Variants in ITGA7 observed in about 807,000 individuals in gnomAD.
ITGA7 encodes integrin alpha-7.
In ITGA7, 84 loss-of-function variants were observed where a neutral mutation model predicts 131.6. That is an observed-to-expected ratio of 0.64 (90% confidence interval 0.54 to 0.77). ITGA7 has a LOEUF of 0.77. Among genes scored for constraint, ITGA7 ranks in the 30% least tolerant of loss-of-function variants. The pLI is 0.00. For missense variants in ITGA7, 1,399 were observed against 1,482.9 expected, an observed-to-expected ratio of 0.94 and a Z score of 0.93; for synonymous variants, 548 against 600.7, an observed-to-expected ratio of 0.91 and a Z score of 1.28.
intron 4 of ITGA7, chr12:55,700,343 G>T: frequency 6.2e-7 from 1 of 1,610,780 alleles, no homozygotes; most frequent in Non-Finnish European, 8.5e-7. Context: ...CCGTCGTCCA[G>T]GTGTGCCAGG....
intron 1 of ITGA7, among the ~76,000 whole-genome samples, chr12:55,704,994 GTGT>G (rs1592486509): frequency 6.6e-6 from 1 of 152,334 alleles, no homozygotes; most frequent in South Asian, 2.1e-4. Context: ...CCCATAGGGA[GTGT>G]CAGAATGTGT....
chr12:55,692,809 G>A, intron 21 of ITGA7, 35 bp downstream of exon 21: 2 of 1,581,060 alleles, frequency 1.3e-6, no homozygotes, highest in Non-Finnish European at 1.7e-6. Context: ...CAGCACCCCG[G>A]AGCTCTGGCT....
Position 55,697,738 on chromosome 12 carries a change from C to G in ITGA7, c.1366G>C (p.Asp456His). Residue 456 changes from aspartate to histidine, a missense_variant, in exon 9 of 25, where the codon GAC (aspartate) becomes CAC (histidine). Asp to His is a moderately conservative substitution (Grantham distance 81, BLOSUM62 -1). Transcript: ENST00000257879. ...TCAGCCAGGGAGCCCACCAGCAGGT[C>G]AGGGTATTGGTTCCCATCCATATCC... ...SLDMDGNQYP[D>H]LLVGSLADTA... is the part of the protein sequence containing the mutation. The G allele has an allele frequency of 6.2e-7, 1 of 1,614,136 alleles. No individual in the cohort carries two copies. The highest frequency in any genetic ancestry group is 8.5e-7 in the Non-Finnish European group (1 of 1,180,018).
chr12:55,716,030 C>G, upstream of ITGA7: 1 of 1,537,918 alleles, frequency 6.5e-7, no homozygotes, highest in East Asian at 2.5e-5. Flanking sequence ...CCCAACCTCA[C>G]GTGACACAGC....
chr12:55,692,384 T>C (rs1382694968), intron 21 of ITGA7, among the ~76,000 whole-genome samples: 2 of 152,220 alleles, frequency 1.3e-5, no homozygotes, highest in East Asian at 1.9e-4. Context: ...CACTGCACTC[T>C]AGCCTTGGTG....
intron 5 of ITGA7, 72 bp from the exon 6 acceptor site, chr12:55,698,989 C>T (rs1346204241): frequency 1.0e-5 from 14 of 1,376,588 alleles, no homozygotes; most frequent in Non-Finnish European, 1.2e-5. Flanking sequence ...ACAGCTCCCC[C>T]AGCCCCTGCC....
chr12:55,687,270 C>T (rs1449608995), intron 24 of ITGA7, among the ~76,000 whole-genome samples: 2 of 149,610 alleles, frequency 1.3e-5, no homozygotes, highest in African/African-American at 2.5e-5. Context: ...CTCCACCTCC[C>T]GGGTTCAAGC....
rs776208184 is a variant in ITGA7 at position 55,696,903 on chromosome 12, A to T, written c.1733T>A (p.Leu578His). The change falls in exon 12 of 25, where the codon CTC becomes CAC. Residue 578 changes from leucine to histidine, a missense_variant. Physicochemically the swap from Leu to His is moderately conservative, Grantham distance 99 (BLOSUM62 -3). Transcript: ENST00000257879. ...AGCCAAGGGGTCAGTGTCCACCTGG[A>T]GCTGGAACATGGCGTCTCCACAGAC... ...DRVCGDAMFQLQENVKDKLRA... is the reference protein window; with the variant it reads ...DRVCGDAMFQHQENVKDKLRA... The T allele has an allele frequency of 1.2e-6, 2 of 1,614,024 alleles. No homozygotes were observed. Among genetic ancestry groups the T allele is most frequent in the Non-Finnish European group, 1.7e-6 (2 of 1,180,026 alleles).
intron 21 of ITGA7, among the ~76,000 whole-genome samples, chr12:55,691,970 C>T (rs996885519): frequency 2.0e-5 from 3 of 152,172 alleles, no homozygotes; most frequent in Non-Finnish European, 4.4e-5. Context: ...GGGAGGGGCA[C>T]AGAGCATGTG....
chr12:55,696,809 G>T, intron 12 of ITGA7, 90 bp downstream of exon 12: 1 of 1,463,748 alleles, frequency 6.8e-7, no homozygotes. Context: ...GGAGGCACGA[G>T]TGTGCTCGGG....
Position 55,694,507 on chromosome 12 carries a change from T to A in ITGA7, c.2293A>T (p.Ile765Phe), listed in dbSNP as rs148641361. The A allele has an allele frequency of 1.2e-6, 2 of 1,614,016 alleles. No homozygotes were observed. The highest frequency in any genetic ancestry group is 1.7e-6 in the Non-Finnish European group (2 of 1,179,942). The change falls in exon 17 of 25, where the codon ATC becomes TTC. Residue 765 changes from isoleucine (I) to phenylalanine (F), a missense_variant. By Grantham distance (21) the Ile-to-Phe change is conservative. Transcript: ENST00000257879. This position sits in a 1 kb window ranked among gnomAD's most constrained non-coding sequence, Gnocchi z 5.3. ...ATGCTGATCCCGGAGGTGCTAAGGA[T>A]GAGGTAGAAGGTGACCTAGGCCAAG... ...KRGAQVTFYL[I>F]LSTSGISIET...
At chr12:55,702,343 G>A (rs758754273) in intron 3 of ITGA7, among the ~76,000 whole-genome samples, 8 of 152,198 alleles carry the variant, frequency 5.3e-5, no homozygotes, top group Non-Finnish European at 1.0e-4. Context: ...ACCACGCCCG[G>A]CTAATTTTTT....
rs116677242 is a variant in ITGA7, at chr12:55,695,022, T to A, written c.2004-52A>T. On this transcript the variant is annotated intron_variant, in intron 14 of 24. Transcript: ENST00000257879. ...AAGTTCTGAACACCTCCCCCTACCA[T>A]TCCCCCGCCCAGTCTGCTCCCCCAG... 17,713 of 1,526,738 alleles carry A rather than the reference T, an allele frequency of 0.012. 1,176 individuals carry two copies. The African/African-American group carries it at 0.17, about 15-fold the overall frequency. 94.6% of individuals were successfully genotyped at this position (1,526,738 alleles called of 1,614,324 possible).
At chr12:55,691,764 C>T (rs1441212504) in intron 21 of ITGA7, among the ~76,000 whole-genome samples, 3 of 152,154 alleles carry the variant, frequency 2.0e-5, no homozygotes, top group Admixed American at 1.3e-4. Flanking sequence ...CATCCCCTGA[C>T]GTTCTTCAGT....
chr12:55,703,037 A>G lies in ITGA7; in HGVS notation c.334+14T>C, dbSNP rs757174896. ...CTCACACGCTTCCCCCACTCTGTTCATGCAGGGCCACACCTCCCTGGTCGA... is the reference window on the plus strand; with the variant it reads ...CTCACACGCTTCCCCCACTCTGTTCGTGCAGGGCCACACCTCCCTGGTCGA... On this transcript the variant is annotated intron_variant, in intron 2 of 24. Transcript: ENST00000257879. The G allele has an allele frequency of 6.2e-7, 1 of 1,614,036 alleles. No individual in the cohort carries two copies. Among genetic ancestry groups the G allele is most frequent in the South Asian group, 1.1e-5 (1 of 91,084 alleles).
chr12:55,692,077 T>C (rs1180186145), intron 21 of ITGA7, among the ~76,000 whole-genome samples: 1 of 152,166 alleles, frequency 6.6e-6, no homozygotes, highest in Non-Finnish European at 1.5e-5. Flanking sequence ...ACTTAATAAA[T>C]CACATATAAT....
At chr12:55,701,299 A>G in intron 3 of ITGA7, 145 bp from the exon 4 acceptor site, 1 of 1,572,154 alleles carries the variant, frequency 6.4e-7, no homozygotes, top group South Asian at 1.1e-5. Flanking sequence ...ACACACCCCT[A>G]TGCCGGCACC....
At position 55,698,848 on chromosome 12, in the gene ITGA7, C is replaced by G. The variant is rs760358583; in HGVS notation, c.860G>C (p.Arg287Pro). 1 of 1,613,146 alleles carries G rather than the reference C, an allele frequency of 6.2e-7. No homozygotes were observed. The change falls in exon 6 of 25, where the codon CGC (arginine) becomes CCC (proline). Residue 287 changes from arginine (R) to proline (P), a missense_variant. Coordinates refer to ENST00000257879, the MANE Select transcript of ITGA7 (RefSeq NM_002206.3). ...GACCACAGCACCCTTGTGGTTGGCG[C>G]GGGGGGCTCCAGCCACAAAGCTCAG... ...EELSFVAGAP[R>P]ANHKGAVVIL...
At position 55,697,538 on chromosome 12, in the gene ITGA7, G is replaced by A; in HGVS notation, c.1418C>T (p.Pro473Leu). The stretch of plus-strand genomic sequence containing the variant: ...GACCTCATGGGAGACATGGAGGATG[G>A]GTCTGGCCCTGGGATTGGGGAGTCA... ...ADTAVLFRARPILHVSHEVSI... is the reference protein window; with the variant it reads ...ADTAVLFRARLILHVSHEVSI... The change falls in exon 10 of 25, where the codon CCC becomes CTC. Residue 473 changes from proline to leucine, a missense_variant. Pro to Leu is a moderately conservative substitution (Grantham distance 98). Transcript: ENST00000257879. The A allele has an allele frequency of 6.2e-7, 1 of 1,613,900 alleles. No individual in the cohort carries two copies. Among genetic ancestry groups the A allele is most frequent in the Non-Finnish European group, 8.5e-7 (1 of 1,179,906 alleles).
Sources: gnomAD v4.1 joint callset for allele counts (sites outside exome capture counted in the v4.1 genomes callset) on GRCh38, gnomAD v4.1.1 for gene constraint, Gnocchi (gnomAD v3.1) non-coding constraint, MANE v1.5 for transcripts, NCBI Gene and HGNC (gene_info 2026-07-23, HGNC 2026-07-21) for gene names.